CSGALNACT2: variants seen among roughly 807,000 people sequenced by gnomAD.
CSGALNACT2 encodes the protein beta 4 GalNAcT-2.
CSGALNACT2 carries 35 observed loss-of-function variants against 55.3 expected under a neutral mutation model. The observed-to-expected ratio is 0.63, with a 90% CI of 0.48 to 0.84. The LOEUF (loss-of-function observed/expected upper bound fraction) is 0.84. Among genes scored for constraint, CSGALNACT2 ranks in the 40% least tolerant of loss-of-function variants. The pLI, the probability that CSGALNACT2 is intolerant of heterozygous loss-of-function variation, is 0.00. For missense variants in CSGALNACT2, 544 were observed against 657.5 expected, an observed-to-expected ratio of 0.83 and a Z score of 1.89; for synonymous variants, 196 against 224.9, an observed-to-expected ratio of 0.87 and a Z score of 1.15.
intron 6 of CSGALNACT2, among the ~76,000 whole-genome samples, chr10:43,171,572 C>T (rs895115342): frequency 2.6e-5 from 4 of 152,008 alleles, no homozygotes; most frequent in African/African-American, 9.7e-5. Context: ...AGACTGGTCT[C>T]GAACTCCTGA....
chr10:43,177,113 C>T (rs561663052), intron 7 of CSGALNACT2, among the ~76,000 whole-genome samples: 26 of 152,218 alleles, frequency 1.7e-4, no homozygotes, highest in African/African-American at 4.6e-4. Context: ...AATGGAAAAT[C>T]AGGAAATAAC....
intron 2 of CSGALNACT2, among the ~76,000 whole-genome samples, chr10:43,157,903 C>T (rs1839051138): frequency 6.6e-6 from 1 of 151,914 alleles, no homozygotes; most frequent in African/African-American, 2.4e-5. Flanking sequence ...GTGACACACG[C>T]CTGTAGTCCC....
At chr10:43,152,063 T>C (rs1388007962) in intron 1 of CSGALNACT2, among the ~76,000 whole-genome samples, 1 of 152,184 alleles carries the variant, frequency 6.6e-6, no homozygotes, top group Non-Finnish European at 1.5e-5. Flanking sequence ...TAAGGTTTCT[T>C]TCAATCCTGA....
At chr10:43,142,118 A>G (rs2133086453) in intron 1 of CSGALNACT2, among the ~76,000 whole-genome samples, 1 of 152,226 alleles carries the variant, frequency 6.6e-6, no homozygotes, top group East Asian at 1.9e-4. Flanking sequence ...GGTTGCCAGT[A>G]TGGCTGGCTG....
At chr10:43,182,111 C>T (rs1256194009) in intron 7 of CSGALNACT2, among the ~76,000 whole-genome samples, 2 of 151,522 alleles carry the variant, frequency 1.3e-5, no homozygotes, top group African/African-American at 2.4e-5. Context: ...TCCCTCCATT[C>T]GGGGTCCCTG....
intron 1 of CSGALNACT2, among the ~76,000 whole-genome samples, chr10:43,151,265 T>C (rs115338420): frequency 0.012 from 1,886 of 152,310 alleles, 38 homozygotes; most frequent in African/African-American, 0.043. Flanking sequence ...GTGAATTTTA[T>C]TTTGTTGAGT....
chr10:43,168,758 G>A (rs986015800), intron 6 of CSGALNACT2, among the ~76,000 whole-genome samples: 2 of 151,480 alleles, frequency 1.3e-5, no homozygotes, highest in Admixed American at 6.6e-5. Context: ...ATACAAATAG[G>A]TTCAAAATGG....
Position 43,157,422 on chromosome 10 carries a change from A to G in CSGALNACT2, c.662-1293A>G, listed in dbSNP as rs554454413. 2.0e-5 allele frequency among the ~76,000 whole-genome samples: 3 copies of G among 152,308 alleles called. No individual in the cohort carries two copies. In the South Asian group the frequency reaches 6.2e-4, roughly 32 times the overall value. On this transcript the variant is annotated intron_variant, in intron 2 of 7. Transcript: ENST00000374466. ...CCCACTGCAGGGAGAATAATTACTAATAATTAGTAATGACAACTAATTCCT... is the reference window on the plus strand; with the variant it reads ...CCCACTGCAGGGAGAATAATTACTAGTAATTAGTAATGACAACTAATTCCT...
At chr10:43,159,085 A>T (rs936807951) in intron 3 of CSGALNACT2, among the ~76,000 whole-genome samples, 154 bp downstream of exon 3, 1 of 152,098 alleles carries the variant, frequency 6.6e-6, no homozygotes, top group African/African-American at 2.4e-5. Context: ...CTCTTTTTTT[A>T]AAGCATGTGT....
intron 1 of CSGALNACT2, among the ~76,000 whole-genome samples, chr10:43,138,881 C>T (rs1401172962): frequency 6.6e-6 from 1 of 152,206 alleles, no homozygotes; most frequent in Non-Finnish European, 1.5e-5. Context: ...ACCTCGTCAT[C>T]GCGTTAAAAT....
Position 43,150,025 on chromosome 10 carries a change from C to A in CSGALNACT2, c.-253-4872C>A, listed in dbSNP as rs1838842831. Among the ~76,000 whole-genome samples, 3 of 152,278 alleles carry A rather than the reference C, an allele frequency of 2.0e-5. No individual in the cohort carries two copies. The South Asian group carries it at 6.2e-4, about 32-fold the overall frequency. ...GAGGTTGCGGTGAGCTGAGATCGCGCCATTGCACTCCAGCCTGGGCAACAA... is the reference window on the plus strand; with the variant it reads ...GAGGTTGCGGTGAGCTGAGATCGCGACATTGCACTCCAGCCTGGGCAACAA... On this transcript the variant is annotated intron_variant, in intron 1 of 7. Transcript: ENST00000374466.
intron 7 of CSGALNACT2, among the ~76,000 whole-genome samples, chr10:43,176,353 T>C (rs985349958): frequency 6.6e-6 from 1 of 152,218 alleles, no homozygotes; most frequent in Non-Finnish European, 1.5e-5. Context: ...TCTATAACTT[T>C]ACTGTTGTGC....
At chr10:43,139,895 G>A (rs906614825) in intron 1 of CSGALNACT2, among the ~76,000 whole-genome samples, 1 of 152,154 alleles carries the variant, frequency 6.6e-6, no homozygotes, top group African/African-American at 2.4e-5. Flanking sequence ...GATGTGTTTT[G>A]GATATTAAGA....
chr10:43,173,932 G>T (rs181707223), intron 6 of CSGALNACT2, among the ~76,000 whole-genome samples: 106 of 152,310 alleles, frequency 7.0e-4, no homozygotes, highest in Admixed American at 2.4e-3. Flanking sequence ...GCTGGAGGTT[G>T]CAGTGAGCCA....
intron 5 of CSGALNACT2, 79 bp from the exon 6 acceptor site, chr10:43,166,924 TA>T: frequency 1.3e-6 from 1 of 757,610 alleles, no homozygotes; most frequent in Non-Finnish European, 2.2e-6. Context: ...AAGACTTTGA[TA>T]AAACTTAATA....
chr10:43,183,200 C>G, intron 7 of CSGALNACT2, 50 bp from the exon 8 acceptor site: 1 of 1,370,564 alleles, frequency 7.3e-7, no homozygotes, highest in Non-Finnish European at 1.0e-6. Flanking sequence ...TATCCCTGTG[C>G]TCTGGCTAAT....
chr10:43,180,019 C>T (rs996450091), intron 7 of CSGALNACT2, among the ~76,000 whole-genome samples: 5 of 152,202 alleles, frequency 3.3e-5, no homozygotes, highest in African/African-American at 1.2e-4. Context: ...AGGATGGGGA[C>T]AGTGACACAC....
intron 1 of CSGALNACT2, among the ~76,000 whole-genome samples, chr10:43,152,656 A>T (rs1296464205): frequency 1.3e-5 from 2 of 152,208 alleles, no homozygotes; most frequent in African/African-American, 2.4e-5. Flanking sequence ...TACATTGTGT[A>T]TATAAAGAAA....
intron 1 of CSGALNACT2, among the ~76,000 whole-genome samples, chr10:43,152,205 G>T (rs550075502): frequency 6.6e-6 from 1 of 152,222 alleles, no homozygotes; most frequent in African/African-American, 2.4e-5. Flanking sequence ...TCTGGGCTGT[G>T]AATGAACCGT....
Sources: gnomAD v4.1 joint callset for allele counts (sites outside exome capture counted in the v4.1 genomes callset) on GRCh38, gnomAD v4.1.1 for gene constraint, MANE v1.5 for transcripts, NCBI Gene and HGNC (gene_info 2026-07-23, HGNC 2026-07-21) for gene names.